The following ATP6V1B2 variants were observed in gnomAD, a reference collection of about 807,000 sequenced individuals.
The protein encoded by ATP6V1B2 is V-type proton ATPase subunit B, brain isoform.
A neutral mutation model predicts 66.7 loss-of-function variants in ATP6V1B2; 23 were observed. The observed-to-expected ratio is 0.34, with a 90% CI of 0.25 to 0.49. ATP6V1B2 has a LOEUF of 0.49. ATP6V1B2 is among the 20% of genes least tolerant of loss of function. The pLI, the probability that ATP6V1B2 is intolerant of heterozygous loss-of-function variation, is 0.99. For synonymous variants in ATP6V1B2, 278 were observed against 236.7 expected, an observed-to-expected ratio of 1.17 and a Z score of -1.60; for missense variants, 478 against 650.8, an observed-to-expected ratio of 0.73 and a Z score of 2.89.
Position 20,218,074 on chromosome 8 carries a change from A to G in ATP6V1B2, c.1267-79A>G, listed in dbSNP as rs2072872554. 8 of 1,540,442 alleles carry G rather than the reference A, an allele frequency of 5.2e-6. No individual in the cohort carries two copies. In the South Asian group the frequency reaches 7.5e-5, roughly 15 times the overall value. On this transcript the variant is annotated intron_variant, in intron 12 of 13. Transcript: ENST00000276390. ...TATGGGCTCTTGTGAGGAGAACTAG[A>G]GCAGTACATTCCTATATCCCAGATG...
At chr8:20,199,604 GTTTTTTT>G (rs11356003) in intron 1 of ATP6V1B2, among the ~76,000 whole-genome samples, 4 of 87,592 alleles carry the variant, frequency 4.6e-5, no homozygotes, top group Admixed American at 1.6e-4. Flanking sequence ...ATTTTTGTGG[GTTTTTTT>G]TTTTTTTTTT....
At position 20,209,492 on chromosome 8, in the gene ATP6V1B2, G is replaced by T; in HGVS notation, c.252G>T (p.Gly84=). ...TACCGGATGGCACAAAGAGAAGTGGGCAAGTTCTGGAAGTTAGTGGTTCCA... is the reference window on the plus strand; with the variant it reads ...TACCGGATGGCACAAAGAGAAGTGGTCAAGTTCTGGAAGTTAGTGGTTCCA... The part of the protein sequence containing the change: ...LTLPDGTKRS[G]QVLEVSGSKA... The change falls in exon 3 of 14, where the codon GGG becomes GGT. Residue 84 remains glycine (G), a synonymous_variant. Coordinates refer to ENST00000276390, the MANE Select transcript of ATP6V1B2 (RefSeq NM_001693.4). 1 of 1,614,032 alleles carries T rather than the reference G, an allele frequency of 6.2e-7. No individual in the cohort carries two copies. The highest frequency in any genetic ancestry group is 8.5e-7 in the Non-Finnish European group (1 of 1,179,982).
intron 9 of ATP6V1B2, chr8:20,213,566 A>G (rs2072816430): frequency 1.3e-5 from 2 of 152,534 alleles, no homozygotes; most frequent in Admixed American, 6.6e-5. Context: ...GTGGGAGGAT[A>G]GCTTGAGTCC....
chr8:20,208,794 G>A (rs540714588), intron 2 of ATP6V1B2, among the ~76,000 whole-genome samples: 14 of 149,126 alleles, frequency 9.4e-5, no homozygotes, highest in African/African-American at 2.7e-4. Context: ...TGCAACCTCC[G>A]TCTCCCCGGC....
rs779237988 is a variant in ATP6V1B2 at position 20,197,429 on chromosome 8, G to T, written c.23G>T (p.Gly8Val). 2.8e-5 allele frequency: 43 copies of T among 1,545,046 alleles called. No homozygotes were observed. In the South Asian group the frequency reaches 4.3e-4, roughly 15 times the overall value. The change falls in exon 1 of 14, where the codon GGG becomes GTG. Residue 8 changes from glycine (G) to valine (V), a missense_variant. This residue lies in a region of ATP6V1B2 where 152 missense variants were observed against 105.2 expected (regional missense o/e 1.44). Transcript: ENST00000276390. ...AAGATGGCGCTGCGGGCGATGCGGG[G>T]GATTGTCAACGGGGCCGCACCCGAG... MALRAMR[G>V]IVNGAAPELP...
chr8:20,205,676 T>C (rs565753365), intron 2 of ATP6V1B2, among the ~76,000 whole-genome samples: 23 of 152,326 alleles, frequency 1.5e-4, no homozygotes, highest in African/African-American at 5.3e-4. Context: ...ATAAAACATA[T>C]AGGATCAAGG....
chr8:20,203,550 GTTAA>G (rs2072707637), intron 1 of ATP6V1B2, among the ~76,000 whole-genome samples: 1 of 152,134 alleles, frequency 6.6e-6, no homozygotes, highest in African/African-American at 2.4e-5. Flanking sequence ...ACAGCTTCAT[GTTAA>G]TTATTTTAGG....
At chr8:20,209,346 A>C in intron 2 of ATP6V1B2, 87 bp from the exon 3 acceptor site, 3 of 1,321,380 alleles carry the variant, frequency 2.3e-6, no homozygotes, top group Non-Finnish European at 3.2e-6. Flanking sequence ...CCATATTCAG[A>C]CACAACATGG....
intron 1 of ATP6V1B2, among the ~76,000 whole-genome samples, chr8:20,202,942 A>C (rs1242046500): frequency 1.3e-5 from 2 of 152,218 alleles, no homozygotes; most frequent in African/African-American, 4.8e-5. Context: ...CCATTTCCAC[A>C]TGGCAATTTT....
At chr8:20,219,106 C>T (rs750917328) in intron 13 of ATP6V1B2, among the ~76,000 whole-genome samples, 1 of 152,066 alleles carries the variant, frequency 6.6e-6, no homozygotes, top group Non-Finnish European at 1.5e-5. Context: ...TGCCTTAGTC[C>T]TGTATTTCTT....
At chr8:20,206,611 A>G (rs1368971114) in intron 2 of ATP6V1B2, among the ~76,000 whole-genome samples, 1 of 152,196 alleles carries the variant, frequency 6.6e-6, no homozygotes, top group African/African-American at 2.4e-5. Flanking sequence ...GGCCCTGAAG[A>G]GTCCCGAGCA....
chr8:20,212,917 A>G lies in ATP6V1B2; in HGVS notation c.927+12A>G, dbSNP rs1055811980. 6.2e-7 allele frequency: 1 copy of G among 1,612,992 alleles called. No homozygotes were observed. The highest frequency in any genetic ancestry group is 8.5e-7 in the Non-Finnish European group (1 of 1,179,448). ...AAGCACTTCGAGAGGTAAGTTGTTCATGTTTTTCCCTCAGTTAAACAAAAT... is the reference window on the plus strand; with the variant it reads ...AAGCACTTCGAGAGGTAAGTTGTTCGTGTTTTTCCCTCAGTTAAACAAAAT... On this transcript the variant is annotated intron_variant, in intron 9 of 13. Transcript: ENST00000276390.
intron 13 of ATP6V1B2, among the ~76,000 whole-genome samples, chr8:20,218,645 C>T (rs565601265): frequency 6.6e-6 from 1 of 152,150 alleles, no homozygotes; most frequent in Non-Finnish European, 1.5e-5. Context: ...CCTGATTCAT[C>T]TATATTCATC....
In ATP6V1B2 at chr8:20,211,162, T is replaced by G. The variant is rs759665488; in HGVS notation, c.464-15T>G. On this transcript the variant is annotated splice_polypyrimidine_tract_variant and intron_variant, in intron 5 of 13. Coordinates refer to ENST00000276390, the MANE Select transcript of ATP6V1B2 (RefSeq NM_001693.4). Reference sequence around the variant, plus strand: ...CGGCAACTTGTTGAAATTTTCCTTTTTGGAAATACATTAGGTCAGCCAATC... The same window carrying G: ...CGGCAACTTGTTGAAATTTTCCTTTGTGGAAATACATTAGGTCAGCCAATC... The G allele has an allele frequency of 3.1e-6, 5 of 1,598,036 alleles. No individual in the cohort carries two copies. The highest frequency in any genetic ancestry group is 4.3e-6 in the Non-Finnish European group (5 of 1,175,462).
intron 1 of ATP6V1B2, among the ~76,000 whole-genome samples, chr8:20,202,714 T>C (rs2072699833): frequency 6.6e-6 from 1 of 152,222 alleles, no homozygotes; most frequent in African/African-American, 2.4e-5. Flanking sequence ...AAATCAGACC[T>C]ATAAAGGAGA....
At chr8:20,216,734 C>G (rs1207489618) in intron 11 of ATP6V1B2, 1 of 350,392 alleles carries the variant, frequency 2.9e-6, no homozygotes, top group Non-Finnish European at 5.1e-6. Context: ...CACTTGTCTC[C>G]AAGAACTTTT....
rs2072780346 is a variant in ATP6V1B2, at chr8:20,210,325, AT to A, written c.292-19del. ...GATCTAAATTACTTCTACCCTTCTC[AT>A]TAATTCTTTTTCTTGATAGGTATTT... On this transcript the variant is annotated intron_variant, in intron 3 of 13. Coordinates refer to ENST00000276390, the MANE Select transcript of ATP6V1B2 (RefSeq NM_001693.4). 1 of 1,592,444 alleles carries A rather than the reference AT, an allele frequency of 6.3e-7. No homozygotes were observed. The highest frequency in any genetic ancestry group is 8.6e-7 in the Non-Finnish European group (1 of 1,163,374).
Position 20,218,289 on chromosome 8 carries a change from T to A in ATP6V1B2, c.1396+7T>A, listed in dbSNP as rs748371396. 6.2e-6 allele frequency: 10 copies of A among 1,611,384 alleles called. No individual in the cohort carries two copies. Among genetic ancestry groups the A allele is most frequent in the Non-Finnish European group, 8.5e-6 (10 of 1,178,750 alleles). On this transcript the variant is annotated splice_region_variant and intron_variant, in intron 13 of 13. Coordinates refer to ENST00000276390, the MANE Select transcript of ATP6V1B2 (RefSeq NM_001693.4). ...AGGAACTTCATTGCTCAGGGTAAGA[T>A]GACTGTTGGCTTACAAACATAAAAA...
Position 20,217,272 on chromosome 8 carries a change from C to G in ATP6V1B2, c.1214C>G (p.Ala405Gly), listed in dbSNP as rs2072864615. The change falls in exon 12 of 14, where the codon GCT (alanine) becomes GGT (glycine). Residue 405 changes from alanine to glycine, a missense_variant. Ala to Gly is a moderately conservative substitution (Grantham distance 60, BLOSUM62 0). Around this residue, in one of 2 missense-constraint regions of ATP6V1B2, gnomAD observed 326 missense variants for 545.6 expected, o/e 0.60. Coordinates refer to ENST00000276390, the MANE Select transcript of ATP6V1B2 (RefSeq NM_001693.4). ...LPSLSRLMKSAIGEGMTRKDH... is the reference protein window; with the variant it reads ...LPSLSRLMKSGIGEGMTRKDH... ...TCACTATCACGGTTAATGAAGTCTG[C>G]TATTGGAGAAGGGATGACCAGGAAG... 6.2e-7 allele frequency: 1 copy of G among 1,613,366 alleles called. No individual in the cohort carries two copies. Among genetic ancestry groups the G allele is most frequent in the South Asian group, 1.1e-5 (1 of 91,056 alleles).
Sources: allele counts gnomAD v4.1 joint callset (sites outside exome capture counted in the v4.1 genomes callset), GRCh38; gene constraint gnomAD v4.1.1; regional missense constraint gnomAD v4.1.1; transcripts MANE v1.5; gene names NCBI Gene and HGNC (gene_info 2026-07-23, HGNC 2026-07-21).